EYS: variants seen among roughly 807,000 people sequenced by gnomAD.
The protein encoded by EYS is protein eyes shut homolog.
A neutral mutation model predicts 282.1 loss-of-function variants in EYS; 250 were observed. The observed-to-expected ratio is 0.89, with a 90% CI of 0.80 to 0.98. The LOEUF is 0.98. Among genes scored for constraint, EYS ranks in the 50% least tolerant of loss-of-function variants. The pLI, the probability that EYS is intolerant of heterozygous loss-of-function variation, is 0.00. For missense variants in EYS, 4,016 were observed against 3,709.0 expected (o/e 1.08, Z -2.15); for synonymous variants, 1,355 against 1,282.9 (o/e 1.06, Z -1.20).
rs1343498462 is a variant in EYS at position 65,353,132 on chromosome 6, C to A, written c.1459+326G>T. Among the ~76,000 whole-genome samples, 4 of 151,706 alleles carry A rather than the reference C, an allele frequency of 2.6e-5. No individual in the cohort carries two copies. In the East Asian group the frequency reaches 7.8e-4, roughly 29 times the overall value. On this transcript the variant is annotated intron_variant, in intron 9 of 42. Transcript: ENST00000503581. ...GGAATGCTACCTGTTTTCATAAGAG[C>A]ATTTTGTTTTTAAATAAAATTACAT...
At chr6:64,105,922 C>A (rs965139879) in intron 31 of EYS, among the ~76,000 whole-genome samples, 1 of 152,124 alleles carries the variant, frequency 6.6e-6, no homozygotes, top group African/African-American at 2.4e-5. Context: ...CATCTCCTTA[C>A]TTTTAAGCTA....
intron 12 of EYS, among the ~76,000 whole-genome samples, chr6:65,131,795 T>C (rs1351771679): frequency 1.3e-5 from 2 of 151,820 alleles, no homozygotes; most frequent in African/African-American, 4.8e-5. Context: ...AGTTGGTTTT[T>C]TGAAAAAATT....
intron 31 of EYS, among the ~76,000 whole-genome samples, chr6:64,144,224 G>C (rs192188576): frequency 6.6e-6 from 1 of 152,162 alleles, no homozygotes; most frequent in Non-Finnish European, 1.5e-5. Context: ...AAGCCAGAAA[G>C]TGGGTATTAT....
intron 12 of EYS, among the ~76,000 whole-genome samples, chr6:65,155,423 A>G (rs75907148): frequency 0.031 from 4,266 of 139,162 alleles, 155 homozygotes; most frequent in African/African-American, 0.087. Flanking sequence ...CACCAAATAC[A>G]ACACTGAAGC....
intron 12 of EYS, among the ~76,000 whole-genome samples, chr6:65,285,702 G>A (rs2150278999): frequency 6.6e-6 from 1 of 152,058 alleles, no homozygotes; most frequent in Non-Finnish European, 1.5e-5. Context: ...AAATATGACT[G>A]TATTAAATGA....
chr6:65,687,833 T>C (rs1020476208), intron 1 of EYS, among the ~76,000 whole-genome samples: 4 of 152,114 alleles, frequency 2.6e-5, no homozygotes, highest in Non-Finnish European at 5.9e-5. Context: ...CCATTCACAA[T>C]TGCTTCAAAG....
intron 2 of EYS, among the ~76,000 whole-genome samples, chr6:65,603,892 T>C (rs941306237): frequency 5.3e-5 from 8 of 152,092 alleles, no homozygotes; most frequent in Non-Finnish European, 1.2e-4. Flanking sequence ...TTTTTGTTTG[T>C]TTCAAACAGC....
At chr6:65,268,249 T>G (rs1319599272) in intron 12 of EYS, among the ~76,000 whole-genome samples, 4 of 152,036 alleles carry the variant, frequency 2.6e-5, no homozygotes, top group Non-Finnish European at 4.4e-5. Context: ...TTCAGCAATT[T>G]AAGATATTTG....
chr6:64,664,513 C>T (rs1769161097), intron 22 of EYS, among the ~76,000 whole-genome samples: 1 of 152,056 alleles, frequency 6.6e-6, no homozygotes, highest in African/African-American at 2.4e-5. Flanking sequence ...GGATATTTGG[C>T]CAAAAGAGTT....
chr6:65,607,895 T>C lies in EYS; in HGVS notation c.-333+31883A>G, dbSNP rs548613818. Among the ~76,000 whole-genome samples the C allele has an allele frequency of 2.0e-4, 31 of 152,102 alleles. 1 individual carries two copies. The highest frequency in any genetic ancestry group is 4.8e-4 in the African/African-American group (20 of 41,536). ...TCAATCTCTGCAGAGAAAAGCAAAT[T>C]AGCTTTCCCTGGAATGTGAGAAAGC... is the stretch of plus-strand genomic sequence containing the variant. On this transcript the variant is annotated intron_variant, in intron 2 of 42. Coordinates refer to ENST00000503581, the MANE Select transcript of EYS (RefSeq NM_001142800.2).
chr6:64,564,711 C>G (rs960611111), intron 26 of EYS, among the ~76,000 whole-genome samples: 2 of 151,414 alleles, frequency 1.3e-5, no homozygotes, highest in African/African-American at 4.9e-5. Context: ...ACCGCATGTT[C>G]TCACTCATAA....
At chr6:64,527,085 G>A (rs180954114) in intron 26 of EYS, among the ~76,000 whole-genome samples, 76 of 151,886 alleles carry the variant, frequency 5.0e-4, no homozygotes, top group African/African-American at 1.7e-3. Context: ...ACATTTTGAA[G>A]CCTTTTGCAG....
chr6:65,447,483 G>A (rs1288036137), intron 5 of EYS, among the ~76,000 whole-genome samples: 1 of 150,884 alleles, frequency 6.6e-6, no homozygotes, highest in Non-Finnish European at 1.5e-5. Context: ...TTCAAAACAA[G>A]AGCACTTTCC....
intron 23 of EYS, among the ~76,000 whole-genome samples, chr6:64,619,630 T>C (rs1268172886): frequency 6.6e-6 from 1 of 152,122 alleles, no homozygotes; most frequent in Non-Finnish European, 1.5e-5. Flanking sequence ...GTTCCAGGGT[T>C]ACATTTGTTT....
At chr6:64,362,476 G>A (rs1376106044) in intron 29 of EYS, among the ~76,000 whole-genome samples, 1 of 151,674 alleles carries the variant, frequency 6.6e-6, no homozygotes, top group Admixed American at 6.6e-5. Context: ...AAGAATAACC[G>A]GTATTCTGAC....
chr6:64,031,819 C>T (rs946456115), intron 33 of EYS, among the ~76,000 whole-genome samples: 2 of 152,130 alleles, frequency 1.3e-5, no homozygotes, highest in African/African-American at 4.8e-5. Flanking sequence ...ACGCACCAAT[C>T]AGCACCCTGT....
At chr6:64,582,436 C>T (rs1306579787) in intron 26 of EYS, among the ~76,000 whole-genome samples, 1 of 152,070 alleles carries the variant, frequency 6.6e-6, no homozygotes, top group East Asian at 1.9e-4. Flanking sequence ...CTGTCTTCCA[C>T]GAAACTGGTC....
intron 2 of EYS, among the ~76,000 whole-genome samples, chr6:65,601,982 T>C (rs1226167044): frequency 2.0e-5 from 3 of 151,958 alleles, no homozygotes; most frequent in Non-Finnish European, 2.9e-5. Context: ...ATAGCTTTAT[T>C]GTTACAGCCT....
In EYS at chr6:65,383,904, C is replaced by A. The variant is rs115874216; in HGVS notation, c.1299+482G>T. Among the ~76,000 whole-genome samples the A allele has an allele frequency of 5.0e-3, 753 of 151,890 alleles. 4 individuals carry two copies. The highest frequency in any genetic ancestry group is 8.0e-3 in the Non-Finnish European group (544 of 67,868). On this transcript the variant is annotated intron_variant, in intron 8 of 42. Transcript: ENST00000503581. Reference sequence around the variant, plus strand: ...TGTGTATGTCTCTCTCAGTAAATATCTGATAATTTCTCTAATAGACATACC... The same window carrying A: ...TGTGTATGTCTCTCTCAGTAAATATATGATAATTTCTCTAATAGACATACC...
Sources: allele counts gnomAD v4.1 joint callset (sites outside exome capture counted in the v4.1 genomes callset), GRCh38; gene constraint gnomAD v4.1.1; transcripts MANE v1.5; gene names NCBI Gene and HGNC (gene_info 2026-07-23, HGNC 2026-07-21).